CALN1: variants seen among roughly 807,000 people sequenced by gnomAD.
The protein encoded by CALN1 is calcium-binding protein 8.
In CALN1, 17 loss-of-function variants were observed where a neutral mutation model predicts 30.6. That is an observed-to-expected ratio of 0.56 (90% CI 0.38 to 0.83). CALN1 has a LOEUF of 0.83. Ranked by LOEUF, CALN1 falls within the 40% of genes least tolerant of loss-of-function variation. CALN1 has a pLI of 0.00. For missense variants in CALN1, 291 were observed against 354.9 expected (o/e 0.82, Z 1.45); for synonymous variants, 156 against 131.4 (o/e 1.19, Z -1.28).
chr7:72,488,219 T>A, the CALN1 span, among the ~76,000 whole-genome samples: 1 of 151,484 alleles, frequency 6.6e-6, no homozygotes, highest in African/African-American at 2.4e-5. Context: ...AAATTTTTTT[T>A]AATTAGCCAG....
At chr7:72,430,486 GT>G (rs1412936409) in intron 1 of CALN1, among the ~76,000 whole-genome samples, 1 of 152,046 alleles carries the variant, frequency 6.6e-6, no homozygotes, top group African/African-American at 2.4e-5. Flanking sequence ...TGCTTTAAGT[GT>G]TTTCTGGATA....
intron 5 of CALN1, among the ~76,000 whole-genome samples, chr7:71,819,753 T>C (rs1312008581): frequency 6.6e-6 from 1 of 152,198 alleles, no homozygotes; most frequent in African/African-American, 2.4e-5. Context: ...CATATGATAT[T>C]TGTCTTTTTG....
At position 72,213,643 on chromosome 7, in the gene CALN1, T is replaced by C. The variant is rs78059940; in HGVS notation, c.244+65043A>G. ...GCTAATGTTTATTTGGGGAATAGCA[T>C]TGCAGAAAGGCAAGAGTGATGGTAT... is the stretch of plus-strand genomic sequence containing the variant. On this transcript the variant is annotated intron_variant, in intron 3 of 6. Transcript: ENST00000395275. Among the ~76,000 whole-genome samples the C allele has an allele frequency of 7.4e-3, 1,126 of 152,316 alleles. 18 individuals carry two copies. The highest frequency in any genetic ancestry group is 0.024 in the African/African-American group (999 of 41,558).
At chr7:72,055,000 T>G (rs1386130307) in intron 4 of CALN1, among the ~76,000 whole-genome samples, 1 of 152,146 alleles carries the variant, frequency 6.6e-6, no homozygotes, top group Non-Finnish European at 1.5e-5. Flanking sequence ...TCTAACCTGA[T>G]GAGGACAGGA....
At chr7:72,174,505 A>T (rs1402905341) in intron 3 of CALN1, among the ~76,000 whole-genome samples, 10 of 152,146 alleles carry the variant, frequency 6.6e-5, no homozygotes, top group Non-Finnish European at 1.5e-5. Flanking sequence ...AACAAAAAAC[A>T]CAAACGTCCA....
intron 3 of CALN1, among the ~76,000 whole-genome samples, chr7:72,225,315 T>C (rs1258687919): frequency 6.6e-6 from 1 of 152,028 alleles, no homozygotes; most frequent in East Asian, 2.0e-4. Context: ...TCCTCCTGTG[T>C]GTCCCCAATT....
intron 2 of CALN1, among the ~76,000 whole-genome samples, chr7:72,402,903 G>T (rs1287460614): frequency 6.6e-6 from 1 of 152,142 alleles, no homozygotes; most frequent in East Asian, 1.9e-4. Flanking sequence ...AAAATTATTT[G>T]AGAATTGATT....
intron 5 of CALN1, among the ~76,000 whole-genome samples, chr7:71,993,046 C>A (rs1274041460): frequency 6.6e-6 from 1 of 151,640 alleles, no homozygotes; most frequent in Non-Finnish European, 1.5e-5. Flanking sequence ...AGAAGAAAGG[C>A]TTTTTTTTGC....
chr7:72,459,004 TGG>T, the CALN1 span, among the ~76,000 whole-genome samples: 1 of 151,080 alleles, frequency 6.6e-6, no homozygotes, highest in Admixed American at 6.7e-5. Flanking sequence ...TCCCGTTTCC[TGG>T]GTTCAAGTGA....
chr7:72,102,635 T>G (rs1436151921), intron 4 of CALN1, among the ~76,000 whole-genome samples: 3 of 152,136 alleles, frequency 2.0e-5, no homozygotes, highest in Non-Finnish European at 2.9e-5. Context: ...CTATAGTAAG[T>G]GCAAGAAGCT....
the CALN1 span, among the ~76,000 whole-genome samples, chr7:72,502,560 G>A: frequency 6.6e-6 from 1 of 151,922 alleles, no homozygotes; most frequent in Admixed American, 6.6e-5. Flanking sequence ...GCAGGTACAA[G>A]TATTTACCTT....
At chr7:72,441,887 A>G (rs1024702790) in intron 1 of CALN1, among the ~76,000 whole-genome samples, 2 of 151,916 alleles carry the variant, frequency 1.3e-5, no homozygotes, top group Admixed American at 1.3e-4. Flanking sequence ...CTCCAGCCCA[A>G]ATCTCTCTCG....
At chr7:71,945,373 G>C (rs758132925) in intron 5 of CALN1, among the ~76,000 whole-genome samples, 20 of 152,122 alleles carry the variant, frequency 1.3e-4, no homozygotes, top group Non-Finnish European at 2.9e-4. Flanking sequence ...ACAAAACAAC[G>C]CAGTTAAGTA....
At chr7:72,178,352 G>T (rs757993140) in intron 3 of CALN1, among the ~76,000 whole-genome samples, 1 of 152,158 alleles carries the variant, frequency 6.6e-6, no homozygotes, top group South Asian at 2.1e-4. Context: ...GCAAGAGGTC[G>T]AATGGAGTAG....
chr7:71,800,819 T>C (rs976358312), intron 6 of CALN1, among the ~76,000 whole-genome samples: 1 of 151,988 alleles, frequency 6.6e-6, no homozygotes, highest in Non-Finnish European at 1.5e-5. Context: ...AAAAAAAAAA[T>C]TATTTTAAGT....
At chr7:72,002,801 A>G (rs1177541458) in intron 5 of CALN1, among the ~76,000 whole-genome samples, 1 of 152,246 alleles carries the variant, frequency 6.6e-6, no homozygotes, top group Non-Finnish European at 1.5e-5. Flanking sequence ...TGAAAAATAA[A>G]CCAGGCAAGC....
chr7:72,213,523 G>T (rs974372770), intron 3 of CALN1, among the ~76,000 whole-genome samples: 1 of 152,112 alleles, frequency 6.6e-6, no homozygotes. Flanking sequence ...TTTCGGTGAG[G>T]GATGCGCATT....
chr7:72,210,464 A>C (rs544233201), intron 3 of CALN1, among the ~76,000 whole-genome samples: 2 of 152,272 alleles, frequency 1.3e-5, no homozygotes, highest in Admixed American at 1.3e-4. Context: ...GCTACAAAGA[A>C]CTGCCCAAGA....
At chr7:72,318,814 G>GTA (rs1364136816) in intron 2 of CALN1, among the ~76,000 whole-genome samples, 2 of 126,942 alleles carry the variant, frequency 1.6e-5, no homozygotes, top group Non-Finnish European at 3.2e-5. Flanking sequence ...AGCCTCTGGA[G>GTA]TAGCTGGGAT....
Sources: gnomAD v4.1 joint callset for allele counts (sites outside exome capture counted in the v4.1 genomes callset) on GRCh38, gnomAD v4.1.1 for gene constraint, MANE v1.5 for transcripts, NCBI Gene and HGNC (gene_info 2026-07-23, HGNC 2026-07-21) for gene names.